Variants in ANTXR2 observed in about 807,000 individuals in gnomAD.
The protein encoded by ANTXR2 is ANTXR cell adhesion molecule 2.
In ANTXR2, 44 loss-of-function variants were observed where a neutral mutation model predicts 73.7. That is an observed-to-expected ratio of 0.60 (90% CI 0.47 to 0.77). The LOEUF (loss-of-function observed/expected upper bound fraction) is 0.77, where lower values mean the gene tolerates loss of function less well. Among genes scored for constraint, ANTXR2 ranks in the 30% least tolerant of loss-of-function variants. ANTXR2 has a pLI of 0.00. For missense variants in ANTXR2, 604 were observed against 592.5 expected (o/e 1.02, Z -0.20); for synonymous variants, 217 against 205.9 (o/e 1.05, Z -0.46).
chr4:79,986,367 G>T (rs1730161417), intron 12 of ANTXR2, among the ~76,000 whole-genome samples: 1 of 152,086 alleles, frequency 6.6e-6, no homozygotes. Context: ...CTTTGAAAAT[G>T]TGGTTCCACT....
chr4:79,927,061 G>GTATATATA (rs71220390), intron 16 of ANTXR2, among the ~76,000 whole-genome samples: 1 of 144,686 alleles, frequency 6.9e-6, no homozygotes, highest in African/African-American at 2.6e-5. Flanking sequence ...GTGTGTGTGT[G>GTATATATA]TATATATATA....
intron 16 of ANTXR2, among the ~76,000 whole-genome samples, chr4:79,919,812 T>C (rs1462095963): frequency 8.6e-6 from 1 of 116,470 alleles, no homozygotes; most frequent in East Asian, 2.3e-4. Flanking sequence ...CTCCCTTTTA[T>C]ATATACATCT....
chr4:80,009,474 C>T (rs1731465004), intron 11 of ANTXR2, among the ~76,000 whole-genome samples: 1 of 152,068 alleles, frequency 6.6e-6, no homozygotes, highest in African/African-American at 2.4e-5. Flanking sequence ...TATTTTCTAC[C>T]ATGATTTATT....
rs985096926 is a variant in ANTXR2 at position 80,011,964 on chromosome 4, C to T, written c.946-3348G>A. Among the ~76,000 whole-genome samples, 13 of 152,294 alleles carry T rather than the reference C, an allele frequency of 8.5e-5. No homozygotes were observed. The Middle Eastern group carries it at 0.01, about 120-fold the overall frequency. ...AAAAACTTTATTCTGCCAAATATAACTAAAATTCTAGTGAAGAGAATCATA... is the reference window on the plus strand; with the variant it reads ...AAAAACTTTATTCTGCCAAATATAATTAAAATTCTAGTGAAGAGAATCATA... On this transcript the variant is annotated intron_variant, in intron 11 of 16. Transcript: ENST00000403729.
At chr4:80,006,150 C>G (rs934077860) in intron 12 of ANTXR2, among the ~76,000 whole-genome samples, 1 of 152,090 alleles carries the variant, frequency 6.6e-6, no homozygotes, top group Admixed American at 6.6e-5. Flanking sequence ...ACCCTTCCTC[C>G]TTTATGTTTC....
Position 80,055,131 on chromosome 4 carries a change from C to T in ANTXR2, c.555+19G>A. The stretch of plus-strand genomic sequence containing the variant: ...ATTATGTGGTTCAGATTAAAGTTTG[C>T]AGATCTCTTGTAACTTACCTGTGCT... On this transcript the variant is annotated intron_variant, in intron 6 of 16. Transcript: ENST00000403729. 1 of 1,543,996 alleles carries T rather than the reference C, an allele frequency of 6.5e-7. No homozygotes were observed. Among genetic ancestry groups the T allele is most frequent in the Non-Finnish European group, 8.8e-7 (1 of 1,139,582 alleles).
intron 11 of ANTXR2, among the ~76,000 whole-genome samples, chr4:80,012,884 A>G (rs1731661833): frequency 6.6e-6 from 1 of 152,216 alleles, no homozygotes; most frequent in African/African-American, 2.4e-5. Context: ...TGTTGGAGGT[A>G]TCTTCCTGTT....
At chr4:80,060,446 T>A (rs182214704) in intron 3 of ANTXR2, among the ~76,000 whole-genome samples, 3 of 152,204 alleles carry the variant, frequency 2.0e-5, no homozygotes, top group African/African-American at 7.2e-5. Context: ...AGTCATTGCT[T>A]CTGTATGAGA....
chr4:80,067,223 A>G (rs962369097), intron 3 of ANTXR2, among the ~76,000 whole-genome samples: 13 of 151,402 alleles, frequency 8.6e-5, no homozygotes, highest in African/African-American at 2.4e-4. Context: ...AAAAAAAGAA[A>G]GAAAGAAAGG....
chr4:80,002,622 C>T (rs1731100574), intron 12 of ANTXR2, among the ~76,000 whole-genome samples: 2 of 151,818 alleles, frequency 1.3e-5, no homozygotes, highest in African/African-American at 4.8e-5. Flanking sequence ...AGTCAACAGG[C>T]AACCTACAAA....
At chr4:79,998,731 G>A (rs949476744) in intron 12 of ANTXR2, among the ~76,000 whole-genome samples, 7 of 151,952 alleles carry the variant, frequency 4.6e-5, no homozygotes, top group African/African-American at 1.7e-4. Flanking sequence ...ATGGATATGA[G>A]GAAGGATACT....
At chr4:79,915,875 T>TAC (rs1453159762) in intron 16 of ANTXR2, among the ~76,000 whole-genome samples, 1 of 150,150 alleles carries the variant, frequency 6.7e-6, no homozygotes, top group African/African-American at 2.4e-5. Context: ...TATATATATA[T>TAC]ATACATAAAG....
At chr4:80,045,176 T>C (rs1390934935) in intron 7 of ANTXR2, among the ~76,000 whole-genome samples, 1 of 151,724 alleles carries the variant, frequency 6.6e-6, no homozygotes, top group Non-Finnish European at 1.5e-5. Context: ...TTAAGTTATG[T>C]GTTATCTTCT....
chr4:80,040,763 T>TAC lies in ANTXR2; in HGVS notation c.637-4733_637-4732dup, dbSNP rs67089731. 2.4e-4 allele frequency among the ~76,000 whole-genome samples: 36 copies of TAC among 150,244 alleles called. 2 individuals are homozygous for TAC. Among genetic ancestry groups the TAC allele is most frequent in the South Asian group, 1.3e-3 (6 of 4,748 alleles). ...ATGCATAGACACACACACACACACATACACACACACACACACACATATTGG... is the reference window on the plus strand; with the variant it reads ...ATGCATAGACACACACACACACACATACACACACACACACACACACATATTGG... On this transcript the variant is annotated intron_variant, in intron 7 of 16. Coordinates refer to ENST00000403729, the MANE Select transcript of ANTXR2 (RefSeq NM_058172.6).
intron 16 of ANTXR2, among the ~76,000 whole-genome samples, chr4:79,966,563 G>A (rs1482615895): frequency 6.6e-6 from 1 of 151,960 alleles, no homozygotes; most frequent in Non-Finnish European, 1.5e-5. Flanking sequence ...GTAAATTACT[G>A]TAAGTTCCCC....
chr4:80,065,451 A>G (rs1030782209), intron 3 of ANTXR2, among the ~76,000 whole-genome samples: 5 of 152,166 alleles, frequency 3.3e-5, no homozygotes, highest in African/African-American at 1.2e-4. Context: ...TGCATTGAAT[A>G]TAAGATAAGC....
In ANTXR2 at chr4:79,901,445, A is replaced by C. The variant is rs1165559488; in HGVS notation, c.*5984T>G. On this transcript the variant is annotated 3_prime_UTR_variant, in exon 17 of 17. Coordinates refer to ENST00000403729, the MANE Select transcript of ANTXR2 (RefSeq NM_058172.6). ...TCTTTGTTTGGCATCTAAATTGTTT[A>C]AAATCACCTTGCCTTTTAGTTCATG... 2.0e-5 allele frequency: 3 copies of C among 151,936 alleles called. No homozygotes were observed. The highest frequency in any genetic ancestry group is 7.3e-5 in the African/African-American group (3 of 41,348). The allele number at this position is 151,936 out of a possible 1,614,324, so 9.4% of individuals were successfully genotyped here. A position where few individuals can be genotyped will look rare whatever the true frequency, so the allele number is the denominator to read the frequency against.
intron 16 of ANTXR2, among the ~76,000 whole-genome samples, chr4:79,961,846 T>C (rs1729153164): frequency 6.6e-6 from 1 of 152,180 alleles, no homozygotes; most frequent in South Asian, 2.1e-4. Flanking sequence ...ATTTTTTGTT[T>C]CTTGTTTATC....
At chr4:79,978,873 T>C (rs1398607690) in intron 14 of ANTXR2, among the ~76,000 whole-genome samples, 1 of 152,230 alleles carries the variant, frequency 6.6e-6, no homozygotes, top group Non-Finnish European at 1.5e-5. Flanking sequence ...TCTGAACATT[T>C]AGTTTTTGAA....
Sources: allele counts gnomAD v4.1 joint callset (sites outside exome capture counted in the v4.1 genomes callset), GRCh38; gene constraint gnomAD v4.1.1; transcripts MANE v1.5; gene names NCBI Gene and HGNC (gene_info 2026-07-23, HGNC 2026-07-21).